LACTB2: variants seen among roughly 807,000 people sequenced by gnomAD.
LACTB2 encodes lactamase beta 2.
LACTB2 carries 32 observed loss-of-function variants against 34.8 expected under a neutral mutation model. The ratio of observed to expected loss-of-function variants is 0.92; its 90% CI spans 0.69 to 1.24. The LOEUF (loss-of-function observed/expected upper bound fraction) is 1.24. Among genes scored for constraint, LACTB2 ranks in the 50% most tolerant of loss-of-function variants. LACTB2 has a pLI of 0.00. For synonymous variants in LACTB2, 120 were observed against 117.5 expected (o/e 1.02, Z -0.14); for missense variants, 320 against 345.0 (o/e 0.93, Z 0.57).
intron 2 of LACTB2, chr8:70,660,710 C>T (rs1157709286): frequency 6.6e-6 from 3 of 456,260 alleles, no homozygotes; most frequent in Non-Finnish European, 1.3e-5. Context: ...AGCCCTTGCC[C>T]TTCTCCACTT....
intron 1 of LACTB2, among the ~76,000 whole-genome samples, chr8:70,664,581 G>A (rs1228786420): frequency 6.6e-6 from 1 of 151,462 alleles, no homozygotes; most frequent in Non-Finnish European, 1.5e-5. Context: ...GCTCTCAAAA[G>A]AAAGAAAACA....
rs768012318 is a variant in LACTB2, at chr8:70,637,881, C to T, written c.846G>A (p.Lys282=). Residue 282 remains lysine (K), a synonymous_variant, in exon 7 of 7, where the codon AAG becomes AAA. Coordinates refer to ENST00000276590, the MANE Select transcript of LACTB2 (RefSeq NM_016027.3). The stretch of plus-strand genomic sequence containing the variant: ...GAAACTAAAGATGAGCTTTCCATTT[C>T]TTGTCAGGATCTGTGTTGCTAACTG... The part of the protein sequence containing the change: ...GKIFSNTDPD[K]KWKAHL The T allele has an allele frequency of 6.4e-7, 1 of 1,558,230 alleles. No individual in the cohort carries two copies. Among genetic ancestry groups the T allele is most frequent in the Non-Finnish European group, 8.7e-7 (1 of 1,151,750 alleles).
chr8:70,661,145 T>C (rs960805478), intron 2 of LACTB2: 27 of 431,710 alleles, frequency 6.3e-5, no homozygotes, highest in Admixed American at 1.8e-4. Flanking sequence ...ACAGAGTCTG[T>C]TTTGTTCACT....
chr8:70,645,920 G>A (rs917862183), intron 3 of LACTB2: 70 of 152,114 alleles, frequency 4.6e-4, no homozygotes, highest in African/African-American at 1.6e-3. Context: ...TTGGTTCCAC[G>A]TCTTTGCTAT....
At chr8:70,642,210 TAAA>T (rs750327386) in intron 4 of LACTB2, among the ~76,000 whole-genome samples, 3 of 152,188 alleles carry the variant, frequency 2.0e-5, no homozygotes, top group Non-Finnish European at 4.4e-5. Flanking sequence ...CTCTTCGCTT[TAAA>T]AATAGCTGTC....
intron 3 of LACTB2, among the ~76,000 whole-genome samples, chr8:70,651,176 A>G (rs1019059594): frequency 6.6e-6 from 1 of 152,194 alleles, no homozygotes; most frequent in Non-Finnish European, 1.5e-5. Flanking sequence ...TATAAGGTAT[A>G]AGACATGAGA....
chr8:70,641,856 T>C (rs1265155092), intron 4 of LACTB2, among the ~76,000 whole-genome samples: 3 of 152,192 alleles, frequency 2.0e-5, no homozygotes. Context: ...GGCTAACCTA[T>C]TACGGGATCT....
At chr8:70,643,225 T>C (rs1336086999) in intron 4 of LACTB2, among the ~76,000 whole-genome samples, 1 of 101,854 alleles carries the variant, frequency 9.8e-6, no homozygotes, top group East Asian at 2.3e-4. Context: ...TTTTTTTTTT[T>C]TTTTTTTTTT....
chr8:70,667,821 A>G, intron 1 of LACTB2, among the ~76,000 whole-genome samples: 1 of 152,186 alleles, frequency 6.6e-6, no homozygotes, highest in Non-Finnish European at 1.5e-5. Context: ...TTCTTCTAAG[A>G]GACTTTCCAG....
intron 1 of LACTB2, among the ~76,000 whole-genome samples, chr8:70,664,861 C>T (rs1490976988): frequency 1.3e-5 from 2 of 152,106 alleles, no homozygotes; most frequent in East Asian, 3.8e-4. Context: ...AAGTGATTTG[C>T]TCCAGGTCAT....
At position 70,669,019 on chromosome 8, in the gene LACTB2, G is replaced by C; in HGVS notation, c.102C>G (p.Tyr34Ter). 1 of 1,599,258 alleles carries C rather than the reference G, an allele frequency of 6.3e-7. No individual in the cohort carries two copies. The highest frequency in any genetic ancestry group is 8.5e-7 in the Non-Finnish European group (1 of 1,173,518). ...GPMTLQGTNTYLVGTGPRRIL... is the reference protein window; with the variant it reads ...GPMTLQGTNT Reference sequence around the variant, plus strand: ...TTTACCTGGGGCCGGTCCCCACTAGGTAGGTGTTGGTGCCTTGGAGGGTCA... The same window carrying C: ...TTTACCTGGGGCCGGTCCCCACTAGCTAGGTGTTGGTGCCTTGGAGGGTCA... Residue 34 changes from tyrosine to a stop codon, truncating the protein, a stop_gained, in exon 1 of 7, where the codon TAC becomes TAG. Coordinates refer to ENST00000276590, the MANE Select transcript of LACTB2 (RefSeq NM_016027.3). LOFTEE classifies it high-confidence loss of function.
intron 4 of LACTB2, among the ~76,000 whole-genome samples, chr8:70,642,763 C>T (rs1220154682): frequency 1.3e-5 from 2 of 152,036 alleles, no homozygotes; most frequent in Non-Finnish European, 1.5e-5. Context: ...GGATTACAGG[C>T]GTGAGCCACT....
intron 1 of LACTB2, among the ~76,000 whole-genome samples, chr8:70,666,893 G>A (rs1818537798): frequency 6.6e-6 from 1 of 152,208 alleles, no homozygotes; most frequent in African/African-American, 2.4e-5. Context: ...AAAACACTGA[G>A]TTCCAGGCAG....
chr8:70,638,569 G>T lies in LACTB2; in HGVS notation c.802C>A (p.Leu268Ile), dbSNP rs761124806. 2 of 1,515,414 alleles carry T rather than the reference G, an allele frequency of 1.3e-6. No homozygotes were observed. Among genetic ancestry groups the T allele is most frequent in the East Asian group, 2.5e-5 (1 of 40,224 alleles). The allele number at this position is 1,515,414 out of a possible 1,614,324, so 93.9% of individuals were successfully genotyped here. Residue 268 changes from leucine (L) to isoleucine (I), a missense_variant, in exon 6 of 7, where the codon CTA becomes ATA. By Grantham distance (5) the Leu-to-Ile change is conservative. Coordinates refer to ENST00000276590, the MANE Select transcript of LACTB2 (RefSeq NM_016027.3). The part of the protein sequence containing the change: ...KHNLLLHLKK[L>I]EKEGKIFSNT... ...TCACATATTTTTCCTTCTTTTTCTA[G>T]TTTTTTCAAATGAAGTAAGAGATTA...
rs760586351 is a variant in LACTB2, at chr8:70,669,052, C to A, written c.69G>T (p.Pro23=). The change falls in exon 1 of 7, where the codon CCG becomes CCT. Residue 23 remains proline, a synonymous_variant. Transcript: ENST00000276590. ...TGGTGCCTTGGAGGGTCATGGGACC[C>A]GGGTTACAGCCCAACACACGCACGA... ...NRVVRVLGCN[P]GPMTLQGTNT... The A allele has an allele frequency of 1.2e-6, 2 of 1,611,614 alleles. No homozygotes were observed. Among genetic ancestry groups the A allele is most frequent in the South Asian group, 1.1e-5 (1 of 90,486 alleles).
At chr8:70,657,592 A>G (rs944903920) in intron 3 of LACTB2, among the ~76,000 whole-genome samples, 164 bp downstream of exon 3, 1 of 151,892 alleles carries the variant, frequency 6.6e-6, no homozygotes, top group Non-Finnish European at 1.5e-5. Context: ...CACCATGCTC[A>G]GCTAATTAAA....
At chr8:70,664,690 A>G (rs201722140) in intron 1 of LACTB2, among the ~76,000 whole-genome samples, 3 of 151,834 alleles carry the variant, frequency 2.0e-5, no homozygotes, top group African/African-American at 4.8e-5. Context: ...GCTTTGAGGG[A>G]AAAAAAAAGT....
At chr8:70,664,117 T>A (rs1818512323) in intron 1 of LACTB2, among the ~76,000 whole-genome samples, 1 of 152,174 alleles carries the variant, frequency 6.6e-6, no homozygotes, top group South Asian at 2.1e-4. Context: ...TCACTGCCCC[T>A]AACGTAGAGT....
In LACTB2 at chr8:70,669,158, G is replaced by A. The variant is rs373098619; in HGVS notation, c.-38C>T. ...CGCCCGCCGGCGTGTCGCCTATCTG[G>A]ATACTCCAGCGCGGAAGAAGCCAAC... On this transcript the variant is annotated 5_prime_UTR_variant, in exon 1 of 7. Coordinates refer to ENST00000276590, the MANE Select transcript of LACTB2 (RefSeq NM_016027.3). The A allele has an allele frequency of 1.9e-6, 3 of 1,608,582 alleles. No homozygotes were observed. Among genetic ancestry groups the A allele is most frequent in the South Asian group, 2.2e-5 (2 of 90,342 alleles).
Sources: allele counts gnomAD v4.1 joint callset (sites outside exome capture counted in the v4.1 genomes callset), GRCh38; gene constraint gnomAD v4.1.1; transcripts MANE v1.5; gene names NCBI Gene and HGNC (gene_info 2026-07-23, HGNC 2026-07-21).